MPC2: variants seen among roughly 807,000 people sequenced by gnomAD.
MPC2 encodes mitochondrial pyruvate carrier 2.
MPC2 carries 19 observed loss-of-function variants against 19.2 expected under a neutral mutation model. The observed-to-expected ratio is 0.99, with a 90% CI of 0.69 to 1.45. MPC2 has a LOEUF of 1.45. MPC2 is among the 40% of genes most tolerant of loss of function. The pLI is 0.00. For synonymous variants in MPC2, 61 were observed against 54.3 expected (o/e 1.12, Z -0.54); for missense variants, 122 against 153.0 (o/e 0.80, Z 1.07).
chr1:167,930,457 G>A (rs1670875915), intron 2 of MPC2, among the ~76,000 whole-genome samples: 1 of 152,034 alleles, frequency 6.6e-6, no homozygotes, highest in South Asian at 2.1e-4. Flanking sequence ...ATCCAACAAG[G>A]ATAAAAAACT....
At chr1:167,918,674 A>G (rs1337045085) in intron 5 of MPC2, among the ~76,000 whole-genome samples, 2 of 146,898 alleles carry the variant, frequency 1.4e-5, no homozygotes, top group Admixed American at 6.8e-5. Context: ...GCTCGCTGCA[A>G]GCTCTGCCTC....
chr1:167,932,230 A>C (rs1446652614), intron 2 of MPC2, among the ~76,000 whole-genome samples: 3 of 152,166 alleles, frequency 2.0e-5, no homozygotes, highest in Non-Finnish European at 4.4e-5. Flanking sequence ...ATCAGTAAAA[A>C]ACAATTTGAG....
intron 2 of MPC2, among the ~76,000 whole-genome samples, chr1:167,925,029 T>C (rs1670697759): frequency 6.6e-6 from 1 of 152,128 alleles, no homozygotes; most frequent in African/African-American, 2.4e-5. Context: ...AGTATGCAGG[T>C]TTTGAAAAGT....
intron 5 of MPC2, among the ~76,000 whole-genome samples, chr1:167,918,594 C>CT (rs200327028): frequency 0.013 from 1,763 of 133,204 alleles, 49 homozygotes; most frequent in African/African-American, 0.043. Context: ...CTGCCAAAAA[C>CT]TTTTTTTTTT....
chr1:167,937,014 CG>C lies in MPC2; in HGVS notation c.-134del. 1 of 1,603,270 alleles carries C rather than the reference CG, an allele frequency of 6.2e-7. No individual in the cohort carries two copies. The highest frequency in any genetic ancestry group is 8.5e-7 in the Non-Finnish European group (1 of 1,175,526). On this transcript the variant is annotated 5_prime_UTR_variant, in exon 1 of 6. Transcript: ENST00000271373. Reference sequence around the variant, plus strand: ...GCTGCGGAGTCGCTACCTGGGTGAGCGGGGGCCCCGGGGCGGAGGCGCTGAG... The same window carrying C: ...GCTGCGGAGTCGCTACCTGGGTGAGCGGGGCCCCGGGGCGGAGGCGCTGAG...
At chr1:167,927,977 G>A (rs553751611) in intron 2 of MPC2, among the ~76,000 whole-genome samples, 98 of 152,156 alleles carry the variant, frequency 6.4e-4, no homozygotes, top group African/African-American at 2.2e-3. Context: ...ATTTTTCTGA[G>A]ATACTAAAAG....
intron 2 of MPC2, among the ~76,000 whole-genome samples, chr1:167,927,322 G>A (rs1670786243): frequency 1.3e-5 from 2 of 152,166 alleles, no homozygotes; most frequent in Admixed American, 6.5e-5. Flanking sequence ...AATCCTATAA[G>A]TCAGTCTTCT....
intron 3 of MPC2, among the ~76,000 whole-genome samples, chr1:167,921,465 G>A (rs1482056378): frequency 3.9e-5 from 6 of 151,998 alleles, no homozygotes; most frequent in African/African-American, 7.2e-5. Flanking sequence ...CAGGTGATCC[G>A]CCCGCCTCAA....
rs1026427115 is a variant in MPC2 at position 167,918,447 on chromosome 1, T to A, written c.348-88A>T. The stretch of plus-strand genomic sequence containing the variant: ...AGAATGGGAAGCATACTCCATTTCT[T>A]CTTTCTTGGTGGTCAAGTAGCTATA... On this transcript the variant is annotated intron_variant, in intron 5 of 5. Coordinates refer to ENST00000271373, the MANE Select transcript of MPC2 (RefSeq NM_001143674.4). The A allele has an allele frequency of 1.3e-5, 11 of 828,404 alleles. No individual in the cohort carries two copies. In the East Asian group the frequency reaches 1.9e-4, roughly 14 times the overall value. The allele number at this position is 828,404 out of a possible 1,614,324, so 51.3% of individuals were successfully genotyped here. A position where few individuals can be genotyped will look rare whatever the true frequency, so the allele number is the denominator to read the frequency against.
intron 2 of MPC2, among the ~76,000 whole-genome samples, chr1:167,935,332 G>A (rs1405104344): frequency 1.3e-5 from 2 of 152,196 alleles, no homozygotes; most frequent in Non-Finnish European, 2.9e-5. Flanking sequence ...ACCCTACAGT[G>A]CGACAAACCA....
chr1:167,926,161 C>T (rs145548045), intron 2 of MPC2, among the ~76,000 whole-genome samples: 210 of 152,298 alleles, frequency 1.4e-3, no homozygotes, highest in African/African-American at 5.0e-3. Flanking sequence ...ACCATTTTTA[C>T]ATTTTCTTGT....
Position 167,937,037 on chromosome 1 carries a change from TGAG to T in MPC2, c.-159_-157del. The T allele has an allele frequency of 1.3e-6, 2 of 1,576,388 alleles. No individual in the cohort carries two copies. Among genetic ancestry groups the T allele is most frequent in the Non-Finnish European group, 1.7e-6 (2 of 1,156,054 alleles). ...AGCGGGGGCCCCGGGGCGGAGGCGC[TGAG>T]GTCGCCGCCTAGAGTGGGGGAGGGG... On this transcript the variant is annotated 5_prime_UTR_variant, in exon 1 of 6. Coordinates refer to ENST00000271373, the MANE Select transcript of MPC2 (RefSeq NM_001143674.4).
At chr1:167,922,241 C>T (rs1670620343) in intron 3 of MPC2, among the ~76,000 whole-genome samples, 1 of 151,988 alleles carries the variant, frequency 6.6e-6, no homozygotes, top group Admixed American at 6.6e-5. Flanking sequence ...TCAACATGTA[C>T]TTAAAATAGA....
chr1:167,934,905 A>G (rs1053702440), intron 2 of MPC2, among the ~76,000 whole-genome samples: 4 of 152,190 alleles, frequency 2.6e-5, no homozygotes, highest in Non-Finnish European at 5.9e-5. Flanking sequence ...TCTTTAATAA[A>G]GGGATTGGAA....
At chr1:167,922,858 A>T (rs535567298) in intron 3 of MPC2, among the ~76,000 whole-genome samples, 2 of 152,192 alleles carry the variant, frequency 1.3e-5, no homozygotes, top group South Asian at 4.1e-4. Context: ...ACAACAAAAA[A>T]CACCTTGATT....
At chr1:167,920,268 C>A (rs1220600413) in intron 4 of MPC2, among the ~76,000 whole-genome samples, 178 bp from the exon 5 acceptor site, 1 of 152,150 alleles carries the variant, frequency 6.6e-6, no homozygotes, top group African/African-American at 2.4e-5. Context: ...TCAATTCTTA[C>A]ATGAAAGAGG....
At chr1:167,918,442 T>C in intron 5 of MPC2, 83 bp from the exon 6 acceptor site, 1 of 860,820 alleles carries the variant, frequency 1.2e-6, no homozygotes, top group South Asian at 1.7e-5. Context: ...GCATACTCCA[T>C]TTCTTCTTTC....
At chr1:167,925,445 A>ATATATATC (rs1557853988) in intron 2 of MPC2, among the ~76,000 whole-genome samples, 25 of 70,914 alleles carry the variant, frequency 3.5e-4, no homozygotes, top group African/African-American at 1.3e-3. Flanking sequence ...ATATACACAT[A>ATATATATC]TATATATATA....
intron 3 of MPC2, among the ~76,000 whole-genome samples, chr1:167,921,464 C>T (rs191005491): frequency 4.2e-4 from 64 of 152,180 alleles, no homozygotes; most frequent in Admixed American, 2.5e-3. Flanking sequence ...GCAGGTGATC[C>T]GCCCGCCTCA....
Sources: allele counts gnomAD v4.1 joint callset (sites outside exome capture counted in the v4.1 genomes callset), GRCh38; gene constraint gnomAD v4.1.1; transcripts MANE v1.5; gene names NCBI Gene and HGNC (gene_info 2026-07-23, HGNC 2026-07-21).